Variants in SMCR8 observed in about 807,000 individuals in gnomAD.
SMCR8 encodes guanine nucleotide exchange protein SMCR8.
A neutral mutation model predicts 56.6 loss-of-function variants in SMCR8; 30 were observed. The ratio of observed to expected loss-of-function variants is 0.53; its 90% CI spans 0.40 to 0.72. The LOEUF (loss-of-function observed/expected upper bound fraction) is 0.72, where lower values mean the gene tolerates loss of function less well. SMCR8 is among the 30% of genes least tolerant of loss of function. SMCR8 has a pLI of 0.00. For synonymous variants in SMCR8, 538 were observed against 456.0 expected (o/e 1.18, Z -2.29); for missense variants, 1,198 against 1,157.0 (o/e 1.04, Z -0.51).
chr17:18,324,765 T>C lies in SMCR8; in HGVS notation c.*1695T>C. The C allele has an allele frequency of 6.6e-6, 1 of 152,432 alleles. No homozygotes were observed. The highest frequency in any genetic ancestry group is 1.5e-5 in the Non-Finnish European group (1 of 68,096). 9.4% of individuals were successfully genotyped at this position (152,432 alleles called of 1,614,324 possible). ...TCCAGCCGTTGGCTTCTGTTCAGGG[T>C]CCTTGCTCCCATCAGAGGTGTTTGA... On this transcript the variant is annotated 3_prime_UTR_variant, in exon 2 of 2. Transcript: ENST00000406438.
At position 18,325,485 on chromosome 17, in the gene SMCR8, C is replaced by T. The variant is rs1182467077; in HGVS notation, c.*2415C>T. 6.6e-6 allele frequency: 1 copy of T among 152,232 alleles called. No individual in the cohort carries two copies. Among genetic ancestry groups the T allele is most frequent in the East Asian group, 1.9e-4 (1 of 5,202 alleles). The allele number at this position is 152,232 out of a possible 1,614,324, so 9.4% of individuals were successfully genotyped here. ...GTGGTTCTTCATTAAGTAAAGATGG[C>T]TTCGTGACTAGTGTTTAGCTCCCAG... On this transcript the variant is annotated 3_prime_UTR_variant, in exon 2 of 2. Coordinates refer to ENST00000406438, the MANE Select transcript of SMCR8 (RefSeq NM_144775.3).
rs1439864415 is a variant in SMCR8 at position 18,318,008 on chromosome 17, A to G, written c.2219A>G (p.Glu740Gly). ...GRTLVVLGED[E>G]AIVRKLVTAL... is the part of the protein sequence containing the mutation. ...ACACTTGTGGTCCTGGGGGAAGATG[A>G]GGCCATAGTCAGGAAACTCGTGACT... The change falls in exon 1 of 2, where the codon GAG becomes GGG. Residue 740 changes from glutamate to glycine, a missense_variant. Coordinates refer to ENST00000406438, the MANE Select transcript of SMCR8 (RefSeq NM_144775.3). The G allele has an allele frequency of 1.2e-6, 2 of 1,614,120 alleles. No individual in the cohort carries two copies. The highest frequency in any genetic ancestry group is 1.7e-6 in the Non-Finnish European group (2 of 1,180,056).
chr17:18,317,569 C>G lies in SMCR8; in HGVS notation c.1780C>G (p.Gln594Glu). ...CTGTATTGGGAAGGAGAGCGATGGT[C>G]AGTTGGTGCTGCCCTCCACTCCAGC... ...SCCIGKESDG[Q>E]LVLPSTPAHT... Residue 594 changes from glutamine to glutamate, a missense_variant, in exon 1 of 2, where the codon CAG becomes GAG. Physicochemically the swap from Gln to Glu is conservative, Grantham distance 29 (BLOSUM62 2). Transcript: ENST00000406438. The G allele has an allele frequency of 6.2e-7, 1 of 1,614,164 alleles. No individual in the cohort carries two copies. The highest frequency in any genetic ancestry group is 8.5e-7 in the Non-Finnish European group (1 of 1,180,044).
In SMCR8 at chr17:18,317,401, C is replaced by G. The variant is rs1982351131; in HGVS notation, c.1612C>G (p.Pro538Ala). 3.7e-6 allele frequency: 6 copies of G among 1,614,056 alleles called. No homozygotes were observed. In the East Asian group the frequency reaches 1.3e-4, roughly 36 times the overall value. The stretch of plus-strand genomic sequence containing the variant: ...CCCTGATGACTTTAAGGCCAGCTAC[C>G]CAAGTGCCATTAATGAAGAAGAATC... ...LIPDDFKASY[P>A]SAINEEESYP... Residue 538 changes from proline to alanine, a missense_variant, in exon 1 of 2, where the codon CCA (proline) becomes GCA (alanine). Pro to Ala is a conservative substitution (Grantham distance 27). Transcript: ENST00000406438.
At chr17:18,319,917 C>T (rs553001451) in intron 1 of SMCR8, among the ~76,000 whole-genome samples, 18 of 152,174 alleles carry the variant, frequency 1.2e-4, no homozygotes, top group Non-Finnish European at 2.2e-4. Context: ...GACAGGGTTT[C>T]ACCATGTTGG....
chr17:18,315,733 A>C lies in SMCR8; in HGVS notation c.-57A>C, dbSNP rs1454075921. 1 of 1,497,784 alleles carries C rather than the reference A, an allele frequency of 6.7e-7. No individual in the cohort carries two copies. Among genetic ancestry groups the C allele is most frequent in the South Asian group, 1.3e-5 (1 of 76,504 alleles). The allele number at this position is 1,497,784 out of a possible 1,614,324, so 92.8% of individuals were successfully genotyped here. ...CCGGAGGCCTGCCTTCTGCGCGTCG[A>C]TTAACACCGCATTCTTTCCCACTTC... is the stretch of plus-strand genomic sequence containing the variant. On this transcript the variant is annotated 5_prime_UTR_variant, in exon 1 of 2. Transcript: ENST00000406438.
At position 18,322,742 on chromosome 17, in the gene SMCR8, G is replaced by A. The variant is rs201664795; in HGVS notation, c.2486G>A (p.Arg829His). The A allele has an allele frequency of 5.9e-5, 96 of 1,614,196 alleles. No individual in the cohort carries two copies. The African/African-American group carries it at 9.7e-4, about 16-fold the overall frequency. ...CPLYRGTLVP[R>H]LADHRTQIKR... ...CTTTACAGAGGCACCCTGGTGCCCC[G>A]CCTGGCAGACCACCGCACACAGATC... Residue 829 changes from arginine to histidine, a missense_variant, in exon 2 of 2, where the codon CGC (arginine) becomes CAC (histidine). Coordinates refer to ENST00000406438, the MANE Select transcript of SMCR8 (RefSeq NM_144775.3).
Position 18,318,094 on chromosome 17 carries a change from T to G in SMCR8, c.2305T>G (p.Ser769Ala). 2 of 1,614,172 alleles carry G rather than the reference T, an allele frequency of 1.2e-6. No homozygotes were observed. Among genetic ancestry groups the G allele is most frequent in the South Asian group, 1.1e-5 (1 of 91,078 alleles). Residue 769 changes from serine to alanine, a missense_variant, in exon 1 of 2, where the codon TCC becomes GCC. Transcript: ENST00000406438. ...CGCTAAGCCCGTGAAACATTGGGCC[T>G]CCTCCCCTTTGCACATTATGGATTT... ...CYAKPVKHWA[S>A]SPLHIMDFQK... is the part of the protein sequence containing the mutation.
rs867171509 is a variant in SMCR8 at position 18,318,135 on chromosome 17, T to G, written c.2346T>G (p.Leu782=). The G allele has an allele frequency of 1.2e-6, 2 of 1,612,116 alleles. No homozygotes were observed. Among genetic ancestry groups the G allele is most frequent in the Non-Finnish European group, 1.7e-6 (2 of 1,178,268 alleles). The change falls in exon 1 of 2, where the codon CTT becomes CTG. Residue 782 remains leucine, a synonymous_variant. Transcript: ENST00000406438. The part of the protein sequence containing the change: ...LHIMDFQKWK[L]IGLQRVASPA... ...TTATGGATTTTCAGAAGTGGAAGCT[T>G]ATTGGCTTGCAGAGGTAACTGGTTC...
In SMCR8 at chr17:18,316,451, A is replaced by G. The variant is rs1982287582; in HGVS notation, c.662A>G (p.Asp221Gly). ...ACGGAGATCCAGAAGAAAGCCAACG[A>G]CAAAGGCTTTTACTCATCTCAGGCA... ...TETEIQKKAN[D>G]KGFYSSQAIE... The change falls in exon 1 of 2, where the codon GAC becomes GGC. Residue 221 changes from aspartate to glycine, a missense_variant. Physicochemically the swap from Asp to Gly is moderately conservative, Grantham distance 94. Coordinates refer to ENST00000406438, the MANE Select transcript of SMCR8 (RefSeq NM_144775.3). 1 of 1,614,190 alleles carries G rather than the reference A, an allele frequency of 6.2e-7. No homozygotes were observed. Among genetic ancestry groups the G allele is most frequent in the Non-Finnish European group, 8.5e-7 (1 of 1,180,038 alleles).
At chr17:18,318,290 C>A in intron 1 of SMCR8, 141 bp downstream of exon 1, 1 of 805,470 alleles carries the variant, frequency 1.2e-6, no homozygotes, top group Non-Finnish European at 2.0e-6. Context: ...AAGTCATCCC[C>A]CTCTCTGGTT....
In SMCR8 at chr17:18,316,266, T is replaced by C; in HGVS notation, c.477T>C (p.Ser159=). The C allele has an allele frequency of 9.9e-6, 16 of 1,613,940 alleles. No homozygotes were observed. The highest frequency in any genetic ancestry group is 1.4e-5 in the Non-Finnish European group (16 of 1,180,036). The change falls in exon 1 of 2, where the codon TCT becomes TCC. Residue 159 remains serine, a synonymous_variant. Transcript: ENST00000406438. ...GGCCGTTTTGCATGGCTTATATCTC[T>C]GCAGACCAGCATAAAATCATGCAGC... ...FVRPFCMAYI[S]ADQHKIMQQF...
In SMCR8 at chr17:18,316,343, C is replaced by A. The variant is rs373776561; in HGVS notation, c.554C>A (p.Thr185Asn). ...EFSRASECLK[T>N]GNRKAFAGEL... ...TCCAGAGCTTCTGAGTGCTTGAAGA[C>A]TGGCAACAGGAAGGCATTTGCTGGG... is the stretch of plus-strand genomic sequence containing the variant. The change falls in exon 1 of 2, where the codon ACT becomes AAT. Residue 185 changes from threonine (T) to asparagine (N), a missense_variant. Thr to Asn is a moderately conservative substitution (Grantham distance 65). Transcript: ENST00000406438. 1.2e-6 allele frequency: 2 copies of A among 1,614,160 alleles called. No individual in the cohort carries two copies. Among genetic ancestry groups the A allele is most frequent in the East Asian group, 4.5e-5 (2 of 44,884 alleles).
In SMCR8 at chr17:18,316,458, C is replaced by CT; in HGVS notation, c.673dup (p.Tyr225LeufsTer7). On this transcript the variant is annotated frameshift_variant, in exon 1 of 2. Coordinates refer to ENST00000406438, the MANE Select transcript of SMCR8 (RefSeq NM_144775.3). LOFTEE classifies it high-confidence loss of function. ...TCCAGAAGAAAGCCAACGACAAAGG[C>CT]TTTTACTCATCTCAGGCAATTGAGA... The CT allele has an allele frequency of 6.2e-7, 1 of 1,614,124 alleles. No homozygotes were observed.
Position 18,316,017 on chromosome 17 carries a change from C to A in SMCR8, c.228C>A (p.Pro76=), listed in dbSNP as rs760456393. The A allele has an allele frequency of 6.2e-7, 1 of 1,614,150 alleles. No individual in the cohort carries two copies. Among genetic ancestry groups the A allele is most frequent in the Non-Finnish European group, 8.5e-7 (1 of 1,180,028 alleles). ...QVGPQPLLTI[P]NDTKVFGTFD... Reference sequence around the variant, plus strand: ...GACCCCAACCCTTACTGACCATCCCCAATGACACCAAAGTTTTTGGCACTT... The same window carrying A: ...GACCCCAACCCTTACTGACCATCCCAAATGACACCAAAGTTTTTGGCACTT... The change falls in exon 1 of 2, where the codon CCC becomes CCA. Residue 76 remains proline (P), a synonymous_variant. Transcript: ENST00000406438.
At position 18,317,848 on chromosome 17, in the gene SMCR8, G is replaced by C. The variant is rs1339103822; in HGVS notation, c.2059G>C (p.Asp687His). ...YVSSVASTSSDRIPSAYPAGL... is the reference protein window; with the variant it reads ...YVSSVASTSSHRIPSAYPAGL... ...GAGCAGTGTAGCGTCCACCAGCTCA[G>C]ACAGGATCCCCTCTGCTTATCCTGC... Residue 687 changes from aspartate (D) to histidine (H), a missense_variant, in exon 1 of 2, where the codon GAC becomes CAC. By Grantham distance (81) the Asp-to-His change is moderately conservative. Transcript: ENST00000406438. The C allele has an allele frequency of 6.2e-7, 1 of 1,614,032 alleles. No homozygotes were observed. The highest frequency in any genetic ancestry group is 8.5e-7 in the Non-Finnish European group (1 of 1,180,040).
In SMCR8 at chr17:18,324,549, C is replaced by CCT. The variant is rs1393397730; in HGVS notation, c.*1479_*1480insCT. On this transcript the variant is annotated 3_prime_UTR_variant, in exon 2 of 2. Transcript: ENST00000406438. ...GGTGTGCTTCTGTTGGCGCCTGCTG[C>CCT]TGAGGCCCGGCCTGCCCATCGGCCT... The CCT allele has an allele frequency of 6.6e-6, 1 of 152,376 alleles. No individual in the cohort carries two copies. Among genetic ancestry groups the CCT allele is most frequent in the African/African-American group, 2.4e-5 (1 of 41,456 alleles). The allele number at this position is 152,376 out of a possible 1,614,324, so 9.4% of individuals were successfully genotyped here.
At position 18,317,546 on chromosome 17, in the gene SMCR8, G is replaced by A. The variant is rs1425021695; in HGVS notation, c.1757G>A (p.Cys586Tyr). Residue 586 changes from cysteine (C) to tyrosine (Y), a missense_variant, in exon 1 of 2, where the codon TGT becomes TAT. Transcript: ENST00000406438. Reference protein sequence around the residue: ...NTPSQIDSSCCIGKESDGQLV... With the variant: ...NTPSQIDSSCYIGKESDGQLV... The stretch of plus-strand genomic sequence containing the variant: ...CCATCACAAATAGACTCCTCCTGCT[G>A]TATTGGGAAGGAGAGCGATGGTCAG... 1 of 1,614,030 alleles carries A rather than the reference G, an allele frequency of 6.2e-7. No individual in the cohort carries two copies. The highest frequency in any genetic ancestry group is 1.3e-5 in the African/African-American group (1 of 74,938).
Position 18,317,873 on chromosome 17 carries a change from C to G in SMCR8, c.2084C>G (p.Ala695Gly), listed in dbSNP as rs1982377795. ...GACAGGATCCCCTCTGCTTATCCTG[C>G]TGGCCTGTCTTCCGATAGGCATAAA... is the stretch of plus-strand genomic sequence containing the variant. ...SSDRIPSAYP[A>G]GLSSDRHKKR... The change falls in exon 1 of 2, where the codon GCT (alanine) becomes GGT (glycine). Residue 695 changes from alanine (A) to glycine (G), a missense_variant. Ala to Gly is a moderately conservative substitution (Grantham distance 60). Transcript: ENST00000406438. 4.3e-6 allele frequency: 7 copies of G among 1,614,172 alleles called. No homozygotes were observed. In the East Asian group the frequency reaches 1.6e-4, roughly 36 times the overall value.
Sources: gnomAD v4.1 joint callset for allele counts (sites outside exome capture counted in the v4.1 genomes callset) on GRCh38, gnomAD v4.1.1 for gene constraint, MANE v1.5 for transcripts, NCBI Gene and HGNC (gene_info 2026-07-23, HGNC 2026-07-21) for gene names.